The following MAGI1 variants were observed in gnomAD, a reference collection of about 807,000 sequenced individuals.
The protein encoded by MAGI1 is membrane associated guanylate kinase, WW and PDZ domain containing 1.
MAGI1 carries 58 observed loss-of-function variants against 139.9 expected under a neutral mutation model. That is an observed-to-expected ratio of 0.41 (90% confidence interval 0.34 to 0.52). MAGI1 has a LOEUF of 0.52. Ranked by LOEUF, MAGI1 falls within the 20% of genes least tolerant of loss-of-function variation. MAGI1 has a pLI of 0.12. For synonymous variants in MAGI1, 812 were observed against 737.9 expected (o/e 1.10, Z -1.63); for missense variants, 1,874 against 1,901.6 (o/e 0.99, Z 0.27).
At chr3:65,405,599 C>T (rs1945266644) in intron 12 of MAGI1, among the ~76,000 whole-genome samples, 1 of 135,800 alleles carries the variant, frequency 7.4e-6, no homozygotes, top group South Asian at 2.7e-4. Flanking sequence ...CTCTATACTG[C>T]TTCTTTTTTT....
intron 12 of MAGI1, chr3:65,401,767 T>C (rs529374192): frequency 7.2e-7 from 1 of 1,397,830 alleles, no homozygotes; most frequent in East Asian, 2.9e-5. Flanking sequence ...AATTGAACAC[T>C]TGGACAGAAT....
intron 2 of MAGI1, among the ~76,000 whole-genome samples, chr3:65,534,724 T>C (rs1437874240): frequency 6.6e-6 from 1 of 152,180 alleles, no homozygotes; most frequent in African/African-American, 2.4e-5. Flanking sequence ...CTGACGATGA[T>C]GGCAAGAGAG....
chr3:65,391,664 G>C (rs983723274), intron 13 of MAGI1, among the ~76,000 whole-genome samples: 19 of 152,266 alleles, frequency 1.2e-4, no homozygotes, highest in Admixed American at 7.2e-4. Flanking sequence ...CTCGTTTACT[G>C]CAAGATGGAT....
At chr3:65,679,668 C>T (rs951907169) in intron 1 of MAGI1, among the ~76,000 whole-genome samples, 3 of 152,220 alleles carry the variant, frequency 2.0e-5, no homozygotes, top group Admixed American at 6.5e-5. Flanking sequence ...GGAGCATCCT[C>T]AGGAGGTTCT....
At chr3:65,847,282 T>C (rs1367896751) in intron 1 of MAGI1, among the ~76,000 whole-genome samples, 3 of 152,312 alleles carry the variant, frequency 2.0e-5, no homozygotes, top group East Asian at 1.9e-4. Flanking sequence ...CTGAGGCAGA[T>C]GGCTCAATGC....
At chr3:65,866,171 T>A (rs1429257030) in intron 1 of MAGI1, among the ~76,000 whole-genome samples, 1 of 151,320 alleles carries the variant, frequency 6.6e-6, no homozygotes, top group East Asian at 1.9e-4. Flanking sequence ...GTATAAAGAA[T>A]AACTGTGGCT....
chr3:65,796,899 C>T (rs1337025829), intron 1 of MAGI1, among the ~76,000 whole-genome samples: 1 of 152,192 alleles, frequency 6.6e-6, no homozygotes, highest in Admixed American at 6.5e-5. Context: ...CAGATTTGGC[C>T]TCAGGGCCAT....
At chr3:65,604,967 C>G (rs1425313655) in intron 2 of MAGI1, among the ~76,000 whole-genome samples, 6 of 152,140 alleles carry the variant, frequency 3.9e-5, no homozygotes, top group African/African-American at 9.7e-5. Context: ...TACAGGCTTT[C>G]CAAGAAAACA....
intron 1 of MAGI1, among the ~76,000 whole-genome samples, chr3:65,821,753 G>A (rs954710943): frequency 2.0e-5 from 3 of 152,168 alleles, no homozygotes; most frequent in Admixed American, 2.0e-4. Context: ...CAAAGGGGAT[G>A]CTTGGTTCCC....
At chr3:65,923,806 G>A (rs1384902953) in intron 1 of MAGI1, among the ~76,000 whole-genome samples, 1 of 152,136 alleles carries the variant, frequency 6.6e-6, no homozygotes, top group Non-Finnish European at 1.5e-5. Flanking sequence ...TTGGGCCTAA[G>A]GTACAGCTCT....
chr3:65,360,053 TC>T (rs1940651082), intron 22 of MAGI1: 1 of 985,032 alleles, frequency 1.0e-6, no homozygotes, highest in Admixed American at 6.2e-5. Flanking sequence ...ATACCCACCC[TC>T]CCCCTGTACC....
At chr3:65,831,538 C>A (rs2042528562) in intron 1 of MAGI1, among the ~76,000 whole-genome samples, 1 of 152,164 alleles carries the variant, frequency 6.6e-6, no homozygotes, top group South Asian at 2.1e-4. Context: ...CACACTTAAT[C>A]CATAAAGGAG....
At chr3:65,878,245 G>A (rs368268235) in intron 1 of MAGI1, among the ~76,000 whole-genome samples, 7 of 152,186 alleles carry the variant, frequency 4.6e-5, no homozygotes, top group South Asian at 2.1e-4. Flanking sequence ...GGCCGGGCAC[G>A]GTGGCTCACG....
Position 65,364,954 on chromosome 3 carries a change from G to A in MAGI1, c.3197-8C>T, listed in dbSNP as rs1350647234. On this transcript the variant is annotated splice_region_variant and splice_polypyrimidine_tract_variant and intron_variant, in intron 18 of 22. Transcript: ENST00000402939. Reference sequence around the variant, plus strand: ...AGGTGGCATTCGAGGACTCTGCAAAGAGGGACAGAGCATAAAGAAATGAAG... The same window carrying A: ...AGGTGGCATTCGAGGACTCTGCAAAAAGGGACAGAGCATAAAGAAATGAAG... 5 of 1,612,024 alleles carry A rather than the reference G, an allele frequency of 3.1e-6. No individual in the cohort carries two copies. Among genetic ancestry groups the A allele is most frequent in the South Asian group, 2.2e-5 (2 of 91,034 alleles).
At chr3:65,612,515 T>G (rs901639277) in intron 2 of MAGI1, among the ~76,000 whole-genome samples, 1 of 152,178 alleles carries the variant, frequency 6.6e-6, no homozygotes, top group Admixed American at 6.5e-5. Context: ...TAAAAAAATA[T>G]GTCATTGATC....
chr3:65,371,653 T>A (rs952163017), intron 18 of MAGI1, among the ~76,000 whole-genome samples: 1 of 152,178 alleles, frequency 6.6e-6, no homozygotes, highest in Non-Finnish European at 1.5e-5. Flanking sequence ...TAAGTAGAAC[T>A]TTTTTTGAAA....
chr3:65,440,317 C>T (rs1948189449), intron 8 of MAGI1, among the ~76,000 whole-genome samples: 2 of 152,060 alleles, frequency 1.3e-5, no homozygotes, highest in African/African-American at 2.4e-5. Flanking sequence ...AGTGTCTGGG[C>T]AGTTAAATAC....
At chr3:65,488,205 G>A (rs190650550) in intron 3 of MAGI1, among the ~76,000 whole-genome samples, 24 of 152,230 alleles carry the variant, frequency 1.6e-4, no homozygotes, top group African/African-American at 5.5e-4. Flanking sequence ...CCATCTCCCA[G>A]CCTCTCACCT....
At chr3:65,853,608 C>T (rs2059279938) in intron 1 of MAGI1, among the ~76,000 whole-genome samples, 1 of 152,128 alleles carries the variant, frequency 6.6e-6, no homozygotes, top group African/African-American at 2.4e-5. Context: ...GGGAGACAAG[C>T]AATGAATTTC....
Sources: allele counts gnomAD v4.1 joint callset (sites outside exome capture counted in the v4.1 genomes callset), GRCh38; gene constraint gnomAD v4.1.1; transcripts MANE v1.5; gene names NCBI Gene and HGNC (gene_info 2026-07-23, HGNC 2026-07-21).